Variants in DGKB observed in about 807,000 individuals in gnomAD.
DGKB encodes 90 kDa diacylglycerol kinase.
A neutral mutation model predicts 114.3 loss-of-function variants in DGKB; 67 were observed. The ratio of observed to expected loss-of-function variants is 0.59; its 90% CI spans 0.48 to 0.72. The LOEUF is 0.72. DGKB is among the 30% of genes least tolerant of loss of function. The pLI, the probability that DGKB is intolerant of heterozygous loss-of-function variation, is 0.00. For missense variants in DGKB, 907 were observed against 975.2 expected, an observed-to-expected ratio of 0.93 and a Z score of 0.93; for synonymous variants, 398 against 323.1, an observed-to-expected ratio of 1.23 and a Z score of -2.49.
chr7:14,394,103 A>G (rs909233333), intron 21 of DGKB, among the ~76,000 whole-genome samples: 5 of 152,204 alleles, frequency 3.3e-5, no homozygotes, highest in South Asian at 2.1e-4. Flanking sequence ...GAAAAGATCA[A>G]TTAGGTCATT....
chr7:14,227,893 G>A (rs1791076601), intron 23 of DGKB, among the ~76,000 whole-genome samples: 1 of 152,010 alleles, frequency 6.6e-6, no homozygotes, highest in South Asian at 2.1e-4. Flanking sequence ...GAATGACTAT[G>A]TATGCCACAA....
chr7:14,644,636 T>C (rs2128881231), intron 13 of DGKB, among the ~76,000 whole-genome samples: 1 of 152,132 alleles, frequency 6.6e-6, no homozygotes, highest in South Asian at 2.1e-4. Flanking sequence ...TTTTGAAGTA[T>C]CCTAGTCACA....
intron 1 of DGKB, among the ~76,000 whole-genome samples, chr7:14,884,733 A>G (rs2128218427): frequency 6.6e-6 from 1 of 152,126 alleles, no homozygotes; most frequent in South Asian, 2.1e-4. Context: ...CATGTTTTAG[A>G]ACATCCTACA....
chr7:14,620,599 T>C (rs1031992964), intron 15 of DGKB, among the ~76,000 whole-genome samples: 3 of 151,702 alleles, frequency 2.0e-5, no homozygotes, highest in African/African-American at 4.8e-5. Context: ...TATAGGCAGT[T>C]GGAACACAAA....
intron 21 of DGKB, among the ~76,000 whole-genome samples, chr7:14,358,959 T>C (rs1352656901): frequency 2.0e-5 from 3 of 152,074 alleles, no homozygotes; most frequent in Admixed American, 2.0e-4. Context: ...TTAAAGTTCA[T>C]ATGGGACCAA....
At chr7:14,574,155 T>G in intron 20 of DGKB, 57 bp downstream of exon 20, 3 of 1,350,418 alleles carry the variant, frequency 2.2e-6, no homozygotes, top group Non-Finnish European at 3.0e-6. Context: ...TTTAAAAGTT[T>G]TCTCACTGTG....
chr7:14,321,467 G>C (rs1476883981), intron 23 of DGKB, among the ~76,000 whole-genome samples: 1 of 151,974 alleles, frequency 6.6e-6, no homozygotes, highest in Non-Finnish European at 1.5e-5. Flanking sequence ...ATCCATAAAA[G>C]TATACAAGGA....
chr7:14,158,929 T>A (rs1422828081), intron 25 of DGKB, among the ~76,000 whole-genome samples: 1 of 152,150 alleles, frequency 6.6e-6, no homozygotes, highest in African/African-American at 2.4e-5. Flanking sequence ...ATATTTTTTG[T>A]ATATCTTGAA....
intron 1 of DGKB, among the ~76,000 whole-genome samples, chr7:14,954,827 G>A (rs1786407017): frequency 6.6e-6 from 1 of 152,050 alleles, no homozygotes; most frequent in South Asian, 2.1e-4. Flanking sequence ...ACATAGAGCT[G>A]AAATGCTCAA....
At chr7:14,874,903 C>T (rs1347298827) in intron 1 of DGKB, among the ~76,000 whole-genome samples, 2 of 152,082 alleles carry the variant, frequency 1.3e-5, no homozygotes, top group African/African-American at 2.4e-5. Flanking sequence ...AACAGCTTTA[C>T]AGTATCTTCC....
intron 23 of DGKB, among the ~76,000 whole-genome samples, chr7:14,311,910 T>C (rs1805450331): frequency 6.6e-6 from 1 of 152,184 alleles, no homozygotes; most frequent in South Asian, 2.1e-4. Flanking sequence ...GACACTAGTC[T>C]AGCAACTATA....
intron 23 of DGKB, among the ~76,000 whole-genome samples, chr7:14,291,802 T>C (rs908815770): frequency 2.0e-5 from 3 of 152,180 alleles, no homozygotes; most frequent in African/African-American, 7.2e-5. Flanking sequence ...TGAGATATCA[T>C]GAACCCTATG....
At chr7:14,349,033 T>C (rs1363833325) in intron 21 of DGKB, among the ~76,000 whole-genome samples, 3 of 152,150 alleles carry the variant, frequency 2.0e-5, no homozygotes, top group East Asian at 3.9e-4. Context: ...AACTTTGTTT[T>C]ATGGGCAAAC....
rs574736197 is a variant in DGKB, at chr7:14,447,607, G to A, written c.1835+30554C>T. Among the ~76,000 whole-genome samples the A allele has an allele frequency of 9.9e-5, 15 of 152,046 alleles. No homozygotes were observed. The South Asian group carries it at 1.0e-3, about 11-fold the overall frequency. On this transcript the variant is annotated intron_variant, in intron 21 of 25. Transcript: ENST00000402815. ...GGTATATTCATGTTTAGTTTGCATC[G>A]TTTTATCATTTTTTAAATTTTCTCC...
intron 19 of DGKB, among the ~76,000 whole-genome samples, chr7:14,577,585 C>A (rs1799346659): frequency 6.6e-6 from 1 of 152,106 alleles, no homozygotes; most frequent in East Asian, 1.9e-4. Context: ...CCACTGCACT[C>A]CAGCCTGGGC....
intron 1 of DGKB, among the ~76,000 whole-genome samples, chr7:14,940,279 A>C (rs1057284246): frequency 4.6e-5 from 7 of 152,230 alleles, no homozygotes; most frequent in Middle Eastern, 3.4e-3. Context: ...TTTAATCTCA[A>C]AGAGGGAATG....
intron 1 of DGKB, among the ~76,000 whole-genome samples, chr7:14,844,224 C>A (rs1303753792): frequency 1.3e-5 from 2 of 152,192 alleles, no homozygotes; most frequent in African/African-American, 4.8e-5. Flanking sequence ...ACCTTTTATT[C>A]TTTTCCTCCA....
At chr7:14,698,867 G>A (rs1035584220) in intron 7 of DGKB, among the ~76,000 whole-genome samples, 1 of 152,006 alleles carries the variant, frequency 6.6e-6, no homozygotes, top group Non-Finnish European at 1.5e-5. Context: ...ATTAAACATG[G>A]CTTTGTGAAA....
At chr7:14,356,438 T>C (rs1473367899) in intron 21 of DGKB, among the ~76,000 whole-genome samples, 1 of 141,750 alleles carries the variant, frequency 7.1e-6, no homozygotes, top group Non-Finnish European at 1.5e-5. Context: ...CTCGGCTCAC[T>C]GCAAGCTCCG....
Sources: allele counts gnomAD v4.1 joint callset (sites outside exome capture counted in the v4.1 genomes callset), GRCh38; gene constraint gnomAD v4.1.1; transcripts MANE v1.5; gene names NCBI Gene and HGNC (gene_info 2026-07-23, HGNC 2026-07-21).